Variants in DIS3L2 observed in about 807,000 individuals in gnomAD.
The protein encoded by DIS3L2 is DIS3-like exonuclease 2.
Under a neutral mutation model 97.5 loss-of-function variants are expected in DIS3L2, and 34 were observed. That is an observed-to-expected ratio of 0.35 (90% CI 0.27 to 0.46). The LOEUF is 0.46. Ranked by LOEUF, DIS3L2 falls within the 20% of genes least tolerant of loss-of-function variation. The pLI, the probability that DIS3L2 is intolerant of heterozygous loss-of-function variation, is 1.00. For missense variants in DIS3L2, 1,038 were observed against 1,146.0 expected, an observed-to-expected ratio of 0.91 and a Z score of 1.36; for synonymous variants, 435 against 445.2, an observed-to-expected ratio of 0.98 and a Z score of 0.29.
chr2:231,965,309 A>AAAACAACT (rs1692679080), intron 1 of DIS3L2, among the ~76,000 whole-genome samples: 1 of 152,198 alleles, frequency 6.6e-6, no homozygotes, highest in Non-Finnish European at 1.5e-5. Context: ...GGAATTACCA[A>AAAACAACT]AAACAACTGT....
At chr2:232,280,482 A>C (rs539961493) in intron 13 of DIS3L2, among the ~76,000 whole-genome samples, 1 of 152,380 alleles carries the variant, frequency 6.6e-6, no homozygotes, top group East Asian at 1.9e-4. Flanking sequence ...TGCCGATTAC[A>C]TGTGAACACC....
intron 6 of DIS3L2, among the ~76,000 whole-genome samples, chr2:232,119,752 G>C (rs1456993677): frequency 6.6e-6 from 1 of 152,182 alleles, no homozygotes; most frequent in East Asian, 1.9e-4. Flanking sequence ...AGGGACTCCA[G>C]TTTGGGCCTG....
intron 14 of DIS3L2, 28 bp from the exon 15 acceptor site, chr2:232,329,785 T>TGCCGGGGGGGGGCCCC: frequency 6.0e-5 from 58 of 967,118 alleles, no homozygotes; most frequent in Non-Finnish European, 7.4e-5. Flanking sequence ...ACCCCAGCGG[T>TGCCGGGGGGGGGCCCC]CCCTCCCATC....
At chr2:232,015,725 T>A in intron 3 of DIS3L2, 54 bp downstream of exon 3, 1 of 1,589,488 alleles carries the variant, frequency 6.3e-7, no homozygotes, top group South Asian at 1.1e-5. Flanking sequence ...TCCAAAACAA[T>A]CTATTAAACT....
At chr2:232,197,884 C>T (rs764908164) in intron 9 of DIS3L2, among the ~76,000 whole-genome samples, 2 of 151,440 alleles carry the variant, frequency 1.3e-5, no homozygotes, top group African/African-American at 4.9e-5. Context: ...CACTTGAACC[C>T]GGGAGGGGAG....
intron 13 of DIS3L2, among the ~76,000 whole-genome samples, chr2:232,299,537 A>G (rs1035958765): frequency 7.2e-5 from 11 of 151,870 alleles, no homozygotes; most frequent in Non-Finnish European, 7.4e-5. Context: ...TCCACTCCCC[A>G]TCCCTCCTCC....
At chr2:232,091,385 A>G (rs1574867966) in intron 6 of DIS3L2, among the ~76,000 whole-genome samples, 1 of 152,128 alleles carries the variant, frequency 6.6e-6, no homozygotes, top group South Asian at 2.1e-4. Flanking sequence ...TTTAGCTCTC[A>G]CAGATAAGTG....
chr2:232,297,156 A>G (rs1694744262), intron 13 of DIS3L2, among the ~76,000 whole-genome samples: 1 of 152,200 alleles, frequency 6.6e-6, no homozygotes, highest in Admixed American at 6.5e-5. Flanking sequence ...CTACTGCAGC[A>G]GCCCCCTCTA....
intron 13 of DIS3L2, among the ~76,000 whole-genome samples, chr2:232,271,541 ATAGT>A (rs2106290475): frequency 6.6e-6 from 1 of 152,326 alleles, no homozygotes; most frequent in Admixed American, 6.5e-5. Context: ...AACCGTGGAG[ATAGT>A]TCTAGAGTCA....
At chr2:231,994,732 CTA>C (rs1693682377) in intron 1 of DIS3L2, among the ~76,000 whole-genome samples, 1 of 151,468 alleles carries the variant, frequency 6.6e-6, no homozygotes, top group Non-Finnish European at 1.5e-5. Context: ...TTGTAAAATT[CTA>C]TTTCTTTCAA....
At chr2:232,172,774 C>G in intron 9 of DIS3L2, 1 of 534,230 alleles carries the variant, frequency 1.9e-6, no homozygotes, top group Non-Finnish European at 3.8e-6. Context: ...TGCTCCATAT[C>G]CTAACACTTG....
intron 5 of DIS3L2, among the ~76,000 whole-genome samples, chr2:232,065,377 A>ATAT (rs1695826439): frequency 6.6e-6 from 1 of 151,888 alleles, no homozygotes; most frequent in South Asian, 2.1e-4. Context: ...TGTCCATTTC[A>ATAT]AGTTAATTTT....
intron 9 of DIS3L2, among the ~76,000 whole-genome samples, chr2:232,186,762 C>T (rs1261595031): frequency 6.6e-6 from 1 of 152,180 alleles, no homozygotes; most frequent in Non-Finnish European, 1.5e-5. Context: ...TCCAGGCATT[C>T]AAGACTGGTT....
intron 1 of DIS3L2, among the ~76,000 whole-genome samples, chr2:231,993,352 T>G (rs2106193698): frequency 6.6e-6 from 1 of 152,326 alleles, no homozygotes; most frequent in South Asian, 2.1e-4. Flanking sequence ...TAGCTGGGAC[T>G]GCAGGTGTGA....
chr2:232,192,956 C>T (rs983374968), intron 9 of DIS3L2, among the ~76,000 whole-genome samples: 5 of 152,206 alleles, frequency 3.3e-5, no homozygotes, highest in Non-Finnish European at 7.3e-5. Context: ...TCCTACTTCA[C>T]ACACTGGCTT....
intron 13 of DIS3L2, among the ~76,000 whole-genome samples, chr2:232,272,694 TG>T (rs2106291727): frequency 6.6e-6 from 1 of 152,244 alleles, no homozygotes; most frequent in South Asian, 2.1e-4. Flanking sequence ...AAGTAGTTAA[TG>T]TAAAAAGAAA....
chr2:232,113,141 G>A (rs1302205505), intron 6 of DIS3L2, among the ~76,000 whole-genome samples: 1 of 152,136 alleles, frequency 6.6e-6, no homozygotes, highest in Non-Finnish European at 1.5e-5. Context: ...ACTGGGGCAT[G>A]GCTGGGAACC....
chr2:232,284,033 C>T (rs188204700), intron 13 of DIS3L2, among the ~76,000 whole-genome samples: 58 of 152,072 alleles, frequency 3.8e-4, no homozygotes, highest in South Asian at 2.1e-4. Context: ...TTTCCTGAAG[C>T]TATAATTATC....
At chr2:232,164,466 T>G (rs1559693529) in intron 9 of DIS3L2, among the ~76,000 whole-genome samples, 1 of 152,190 alleles carries the variant, frequency 6.6e-6, no homozygotes, top group Non-Finnish European at 1.5e-5. Flanking sequence ...ACTGAGGCTG[T>G]GGAAGGTTTT....
Sources: gnomAD v4.1 joint callset for allele counts (sites outside exome capture counted in the v4.1 genomes callset) on GRCh38, gnomAD v4.1.1 for gene constraint, MANE v1.5 for transcripts, NCBI Gene and HGNC (gene_info 2026-07-23, HGNC 2026-07-21) for gene names.